MSH6: variants seen among roughly 807,000 people sequenced by gnomAD.
MSH6 encodes the protein mutS homolog 6.
Under a neutral mutation model 119.1 loss-of-function variants are expected in MSH6, and 85 were observed. That is an observed-to-expected ratio of 0.71 (90% confidence interval 0.60 to 0.85). MSH6 has a LOEUF of 0.85. Among genes scored for constraint, MSH6 ranks in the 40% least tolerant of loss-of-function variants. The pLI, the probability that MSH6 is intolerant of heterozygous loss-of-function variation, is 0.00. For synonymous variants in MSH6, 830 were observed against 586.9 expected (o/e 1.41, Z -5.99); for missense variants, 2,163 against 1,655.3 (o/e 1.31, Z -5.32).
At chr2:47,783,945 C>A in intron 1 of MSH6, 1 of 1,028,872 alleles carries the variant, frequency 9.7e-7, no homozygotes, top group South Asian at 4.6e-5. Context: ...TGCGGGAGGC[C>A]GAACGGGGAG....
intron 2 of MSH6, among the ~76,000 whole-genome samples, chr2:47,795,534 C>T (rs1212819940): frequency 5.4e-5 from 8 of 149,052 alleles, no homozygotes; most frequent in South Asian, 2.1e-4. Context: ...GGTGCAATCT[C>T]GGCTCACTGC....
At chr2:47,791,639 G>GCAC (rs1173443735) in intron 2 of MSH6, among the ~76,000 whole-genome samples, 1 of 150,690 alleles carries the variant, frequency 6.6e-6, no homozygotes, top group Non-Finnish European at 1.5e-5. Flanking sequence ...TGGGCTAGGT[G>GCAC]CACCCCATCG....
downstream of MSH6, chr2:47,807,954 C>T (rs1670337974): frequency 1.5e-6 from 1 of 650,164 alleles, no homozygotes. Flanking sequence ...TATATTGCCA[C>T]TTTCTTTTTG....
chr2:47,805,580 C>CA, intron 6 of MSH6, 38 bp from the exon 7 acceptor site: 1 of 1,358,010 alleles, frequency 7.4e-7, no homozygotes, highest in Non-Finnish European at 1.1e-6. Context: ...ATATGATTTG[C>CA]AAAATGAGTA....
chr2:47,789,315 A>G (rs1313644408), intron 1 of MSH6: 3 of 385,486 alleles, frequency 7.8e-6, no homozygotes, highest in South Asian at 2.1e-5. Flanking sequence ...GAAAAACAAA[A>G]TTTTTTGTTT....
intron 1 of MSH6, among the ~76,000 whole-genome samples, chr2:47,787,863 CTCCCAAAGTGCTGGGA>C (rs1287784443): frequency 6.6e-6 from 1 of 152,128 alleles, no homozygotes; most frequent in Non-Finnish European, 1.5e-5. Flanking sequence ...TTAAGAGATC[CTCCCAAAGTGCTGGGA>C]TCATAGGTGT....
intron 2 of MSH6, among the ~76,000 whole-genome samples, chr2:47,793,564 G>A (rs933669113): frequency 1.3e-5 from 2 of 151,130 alleles, no homozygotes; most frequent in South Asian, 2.1e-4. Context: ...CCGAGATCGC[G>A]CCACTGCACT....
chr2:47,800,534 A>G lies in MSH6; in HGVS notation c.2551A>G (p.Ser851Gly), dbSNP rs762352116. ...RAIMYEETTYSKKKIIDFLSA... is the reference protein window; with the variant it reads ...RAIMYEETTYGKKKIIDFLSA... The stretch of plus-strand genomic sequence containing the variant: ...TATAATGTATGAAGAAACTACATAC[A>G]GCAAGAAGAAGATTATTGATTTTCT... Residue 851 changes from serine (S) to glycine (G), a missense_variant, in exon 4 of 10, where the codon AGC (serine) becomes GGC (glycine). Transcript: ENST00000234420. 3.1e-6 allele frequency: 5 copies of G among 1,613,542 alleles called. No homozygotes were observed. The Admixed American group carries it at 8.4e-5, about 27-fold the overall frequency.
At chr2:47,783,787 GC>G in intron 1 of MSH6, 1 of 551,942 alleles carries the variant, frequency 1.8e-6, no homozygotes, top group Non-Finnish European at 2.6e-6. Flanking sequence ...AGGTGGGGGT[GC>G]TGGGCTAAGG....
chr2:47,791,969 C>G (rs997160915), intron 2 of MSH6, among the ~76,000 whole-genome samples: 2 of 152,130 alleles, frequency 1.3e-5, no homozygotes, highest in African/African-American at 4.8e-5. Context: ...TCCTCAGCCT[C>G]TAAAGTAGCT....
chr2:47,798,406 A>G (rs1383211235), intron 3 of MSH6, among the ~76,000 whole-genome samples: 1 of 152,212 alleles, frequency 6.6e-6, no homozygotes, highest in Non-Finnish European at 1.5e-5. Context: ...GTTAGCCTAA[A>G]GTTGGGCAAG....
chr2:47,800,092 G>A lies in MSH6; in HGVS notation c.2109G>A (p.Met703Ile), dbSNP rs2104389188. Residue 703 changes from methionine (M) to isoleucine (I), a missense_variant, in exon 4 of 10, where the codon ATG becomes ATA. Coordinates refer to ENST00000234420, the MANE Select transcript of MSH6 (RefSeq NM_000179.3). ...KCLIDQELLS[M>I]ANFEEYIPLD... is the part of the protein sequence containing the mutation. ...TTATTGATCAGGAGCTTTTATCAAT[G>A]GCTAATTTTGAAGAATATATTCCCT... is the stretch of plus-strand genomic sequence containing the variant. 6.2e-7 allele frequency: 1 copy of A among 1,614,060 alleles called. No homozygotes were observed. Among genetic ancestry groups the A allele is most frequent in the South Asian group, 1.1e-5 (1 of 91,074 alleles).
intron 1 of MSH6, among the ~76,000 whole-genome samples, chr2:47,788,355 A>G (rs1258964853): frequency 4.8e-5 from 7 of 147,054 alleles, no homozygotes. Flanking sequence ...TCCAGGTTCA[A>G]ATGATTCTCC....
At chr2:47,788,090 CTT>C in intron 1 of MSH6, among the ~76,000 whole-genome samples, 1 of 152,088 alleles carries the variant, frequency 6.6e-6, no homozygotes, top group Non-Finnish European at 1.5e-5. Flanking sequence ...GTTTAATTAT[CTT>C]TTTTGACTCA....
At chr2:47,783,854 G>C in intron 1 of MSH6, 1 of 949,790 alleles carries the variant, frequency 1.1e-6, no homozygotes, top group Non-Finnish European at 1.3e-6. Flanking sequence ...TGGGAGCACT[G>C]GGGGTGGGGC....
At chr2:47,784,054 T>TTA in intron 1 of MSH6, 1 of 1,013,602 alleles carries the variant, frequency 9.9e-7, no homozygotes, top group Middle Eastern at 4.8e-4. Context: ...TTAGAGGTAG[T>TTA]TAAGAGCCGC....
At chr2:47,809,483 T>A, downstream of MSH6, 1 of 783,944 alleles carries the variant, frequency 1.3e-6, no homozygotes, top group Non-Finnish European at 2.0e-6. Context: ...TTTCAAAATC[T>A]ATCTTAAACT....
chr2:47,795,493 T>G, intron 2 of MSH6, among the ~76,000 whole-genome samples: 2 of 144,488 alleles, frequency 1.4e-5, no homozygotes, highest in Admixed American at 7.2e-5. Context: ...CGAGACAGGG[T>G]CTTGCACTGT....
At chr2:47,802,344 TAA>T (rs979770717) in intron 4 of MSH6, among the ~76,000 whole-genome samples, 2 of 152,212 alleles carry the variant, frequency 1.3e-5, no homozygotes, top group Admixed American at 6.5e-5. Context: ...ATATTTTTTT[TAA>T]TTTTTTAGAG....
Sources: allele counts gnomAD v4.1 joint callset (sites outside exome capture counted in the v4.1 genomes callset), GRCh38; gene constraint gnomAD v4.1.1; transcripts MANE v1.5; gene names NCBI Gene and HGNC (gene_info 2026-07-23, HGNC 2026-07-21).